The following IFT74 variants were observed in gnomAD, a reference collection of about 807,000 sequenced individuals.
The protein encoded by IFT74 is intraflagellar transport 74.
Under a neutral mutation model 96.7 loss-of-function variants are expected in IFT74, and 92 were observed. The ratio of observed to expected loss-of-function variants is 0.95; its 90% CI spans 0.80 to 1.13. IFT74 has a LOEUF of 1.13. Ranked by LOEUF, IFT74 falls within the 50% of genes most tolerant of loss-of-function variation. IFT74 has a pLI of 0.00. For synonymous variants in IFT74, 223 were observed against 213.2 expected, an observed-to-expected ratio of 1.05 and a Z score of -0.40; for missense variants, 811 against 698.2, an observed-to-expected ratio of 1.16 and a Z score of -1.82.
At position 27,065,493 on chromosome 9, in the gene IFT74, A is replaced by G. The variant is rs1820579296; in HGVS notation, c.*2757A>G. ...TAGTGAAGATCAACATGGGAAAGTTAGCAAGTCTTTGTTTTTCCCATCCTT... is the reference window on the plus strand; with the variant it reads ...TAGTGAAGATCAACATGGGAAAGTTGGCAAGTCTTTGTTTTTCCCATCCTT... On this transcript the variant is annotated 3_prime_UTR_variant, in exon 20 of 20. Coordinates refer to ENST00000380062, the MANE Select transcript of IFT74 (RefSeq NM_025103.4). 6.6e-6 allele frequency among the ~76,000 whole-genome samples: 1 copy of G among 152,210 alleles called. No individual in the cohort carries two copies. The highest frequency in any genetic ancestry group is 2.1e-4 in the South Asian group (1 of 4,834).
At chr9:27,023,850 C>G (rs995580401) in intron 12 of IFT74, among the ~76,000 whole-genome samples, 1 of 152,202 alleles carries the variant, frequency 6.6e-6, no homozygotes, top group Non-Finnish European at 1.5e-5. Context: ...CTGAGACACG[C>G]CTAACCCTGC....
chr9:26,995,468 T>A, intron 8 of IFT74: 17 of 1,079,798 alleles, frequency 1.6e-5, no homozygotes, highest in Non-Finnish European at 2.2e-5. Context: ...AATCTCCATA[T>A]CTAAACTGAG....
intron 13 of IFT74, among the ~76,000 whole-genome samples, chr9:27,039,064 T>TA (rs1314077876): frequency 1.3e-5 from 2 of 152,246 alleles, no homozygotes; most frequent in African/African-American, 4.8e-5. Flanking sequence ...TTTCACCACT[T>TA]ACCTACAGTG....
intron 11 of IFT74, among the ~76,000 whole-genome samples, chr9:27,017,631 T>C (rs1456375794): frequency 6.6e-6 from 1 of 152,244 alleles, no homozygotes; most frequent in African/African-American, 2.4e-5. Flanking sequence ...TGAAGATATG[T>C]TTCATTATTG....
At chr9:27,052,536 C>T (rs1304158592) in intron 16 of IFT74, among the ~76,000 whole-genome samples, 1 of 144,026 alleles carries the variant, frequency 6.9e-6, no homozygotes, top group African/African-American at 2.6e-5. Flanking sequence ...AAAAAGTAGT[C>T]ATTATGTGTT....
At chr9:26,978,613 A>G (rs925451129) in intron 3 of IFT74, among the ~76,000 whole-genome samples, 2 of 152,154 alleles carry the variant, frequency 1.3e-5, no homozygotes, top group African/African-American at 2.4e-5. Context: ...AGAACTTTGA[A>G]ATAGTCTTGG....
intron 2 of IFT74, among the ~76,000 whole-genome samples, chr9:26,977,525 A>G (rs1007314205): frequency 1.4e-4 from 22 of 152,190 alleles, no homozygotes; most frequent in African/African-American, 2.2e-4. Context: ...GTCTCACTCT[A>G]TCGCCCAAGC....
At chr9:26,990,346 A>T in intron 8 of IFT74, 151 bp downstream of exon 8, 1 of 436,030 alleles carries the variant, frequency 2.3e-6, no homozygotes, top group East Asian at 3.6e-5. Flanking sequence ...TTTGTTGCTT[A>T]TACTTGTTAT....
chr9:27,027,007 A>T (rs1829895256), intron 12 of IFT74, among the ~76,000 whole-genome samples: 1 of 152,100 alleles, frequency 6.6e-6, no homozygotes, highest in Non-Finnish European at 1.5e-5. Flanking sequence ...GAAACAAAAA[A>T]TTGAAAGATA....
intron 16 of IFT74, among the ~76,000 whole-genome samples, chr9:27,054,604 G>A (rs980753771): frequency 2.0e-5 from 3 of 152,074 alleles, no homozygotes; most frequent in Non-Finnish European, 4.4e-5. Flanking sequence ...ATTTCATATT[G>A]TGAATTTGCC....
intron 7 of IFT74, among the ~76,000 whole-genome samples, 158 bp from the exon 8 acceptor site, chr9:26,989,976 T>A (rs990623864): frequency 6.6e-6 from 1 of 152,180 alleles, no homozygotes; most frequent in African/African-American, 2.4e-5. Context: ...TATTGTTTGT[T>A]AAATGAGGCA....
chr9:27,020,790 G>T (rs562726092), intron 12 of IFT74, among the ~76,000 whole-genome samples: 1 of 152,028 alleles, frequency 6.6e-6, no homozygotes, highest in South Asian at 2.1e-4. Context: ...TTTTACTTCA[G>T]TAGTTTTTGG....
At chr9:27,039,250 C>T (rs1020818816) in intron 13 of IFT74, among the ~76,000 whole-genome samples, 4 of 152,098 alleles carry the variant, frequency 2.6e-5, no homozygotes, top group East Asian at 1.9e-4. Flanking sequence ...AGGCTCGTCT[C>T]GAACTCGCAG....
At chr9:26,971,501 G>C (rs1009077224) in intron 2 of IFT74, among the ~76,000 whole-genome samples, 1 of 151,954 alleles carries the variant, frequency 6.6e-6, no homozygotes, top group African/African-American at 2.4e-5. Flanking sequence ...TTCCTTCTGT[G>C]TTTTCTTTAG....
chr9:27,006,905 C>T lies in IFT74; in HGVS notation c.588-2115C>T, dbSNP rs1446764224. On this transcript the variant is annotated intron_variant, in intron 8 of 19. Coordinates refer to ENST00000380062, the MANE Select transcript of IFT74 (RefSeq NM_025103.4). ...AGGCTGGAGTGTAGTGGCGCAGTCTCGGCTCACTGCAAGCTCTGCCTCCCG... is the reference window on the plus strand; with the variant it reads ...AGGCTGGAGTGTAGTGGCGCAGTCTTGGCTCACTGCAAGCTCTGCCTCCCG... 6.5e-5 allele frequency among the ~76,000 whole-genome samples: 9 copies of T among 138,326 alleles called. No individual in the cohort carries two copies. The South Asian group carries it at 7.0e-4, about 11-fold the overall frequency. The allele number at this position is 138,326 out of a possible 152,430, so 90.7% of individuals were successfully genotyped here.
intron 13 of IFT74, among the ~76,000 whole-genome samples, chr9:27,031,192 T>C (rs183149924): frequency 2.8e-3 from 422 of 152,286 alleles, no homozygotes; most frequent in African/African-American, 9.9e-3. Flanking sequence ...TAAGAAATTC[T>C]TTTAGGTCGT....
chr9:27,062,486 C>A, intron 19 of IFT74, 132 bp from the exon 20 acceptor site: 1 of 561,174 alleles, frequency 1.8e-6, no homozygotes. Flanking sequence ...AAATGATGTA[C>A]TGTATTTTAA....
At chr9:27,034,154 C>A (rs796146432) in intron 13 of IFT74, among the ~76,000 whole-genome samples, 20 of 152,286 alleles carry the variant, frequency 1.3e-4, no homozygotes, top group Admixed American at 3.3e-4. Flanking sequence ...TGATTACTTT[C>A]CAGATTCAAG....
At chr9:27,022,917 C>G (rs1260330828) in intron 12 of IFT74, among the ~76,000 whole-genome samples, 6 of 152,070 alleles carry the variant, frequency 3.9e-5, no homozygotes, top group Non-Finnish European at 8.8e-5. Context: ...GGATTACAGG[C>G]ATGAGCCACC....
Sources: allele counts gnomAD v4.1 joint callset (sites outside exome capture counted in the v4.1 genomes callset), GRCh38; gene constraint gnomAD v4.1.1; transcripts MANE v1.5; gene names NCBI Gene and HGNC (gene_info 2026-07-23, HGNC 2026-07-21).